Variants in PMS2 observed in about 807,000 individuals in gnomAD.
The protein encoded by PMS2 is PMS1 homolog 2, mismatch repair system component, also known as mismatch repair endonuclease PMS2.
Under a neutral mutation model 90.0 loss-of-function variants are expected in PMS2, and 69 were observed. That is an observed-to-expected ratio of 0.77 (90% CI 0.63 to 0.94). The LOEUF (loss-of-function observed/expected upper bound fraction) is 0.94. Among genes scored for constraint, PMS2 ranks in the 40% least tolerant of loss-of-function variants. The probability of loss-of-function intolerance (pLI) is 0.00; values close to 1 mark genes in which losing one functional copy is unlikely to be tolerated. For missense variants in PMS2, 966 were observed against 1,040.2 expected, an observed-to-expected ratio of 0.93 and a Z score of 0.98; for synonymous variants, 332 against 375.1, an observed-to-expected ratio of 0.89 and a Z score of 1.33.
At chr7:5,996,603 A>ATG in intron 7 of PMS2, among the ~76,000 whole-genome samples, 1 of 129,208 alleles carries the variant, frequency 7.7e-6, no homozygotes, top group Non-Finnish European at 1.6e-5. Context: ...ATATATATAT[A>ATG]TATATATATA....
chr7:5,992,106 G>GC (rs773119766), intron 8 of PMS2, 49 bp from the exon 9 acceptor site: 4 of 958,718 alleles, frequency 4.2e-6, no homozygotes, highest in Non-Finnish European at 1.7e-6. Context: ...AATGTTCCCA[G>GC]CCCCCCGCAT....
chr7:6,003,860 CTA>C, intron 3 of PMS2, 68 bp from the exon 4 acceptor site: 1 of 1,262,920 alleles, frequency 7.9e-7, no homozygotes, highest in South Asian at 1.2e-5. Context: ...TACATGATAT[CTA>C]GTAACTGGCT....
chr7:6,008,018 C>T (rs568925990), intron 1 of PMS2, among the ~76,000 whole-genome samples: 7 of 152,142 alleles, frequency 4.6e-5, no homozygotes, highest in African/African-American at 1.7e-4. Flanking sequence ...CGCCATCATG[C>T]CCAGTTAATT....
intron 1 of PMS2, among the ~76,000 whole-genome samples, chr7:6,006,603 A>G (rs1785800037): frequency 6.6e-6 from 1 of 152,026 alleles, no homozygotes; most frequent in South Asian, 2.1e-4. Flanking sequence ...CAGTGAGCTG[A>G]GATTGCGGCA....
intron 11 of PMS2, among the ~76,000 whole-genome samples, chr7:5,986,206 G>A (rs1782841722): frequency 1.4e-5 from 2 of 145,852 alleles, no homozygotes. Context: ...CTGGCCAGGC[G>A]CAGATGCCGG....
intron 8 of PMS2, among the ~76,000 whole-genome samples, chr7:5,992,316 AT>A (rs1444607368): frequency 7.1e-6 from 1 of 140,900 alleles, no homozygotes; most frequent in Non-Finnish European, 1.6e-5. Context: ...TACAGGCAGG[AT>A]TTTTTTTTCT....
chr7:5,987,424 T>G lies in PMS2; in HGVS notation c.1341A>C (p.Leu447=). 6.2e-7 allele frequency: 1 copy of G among 1,614,132 alleles called. No homozygotes were observed. Reference sequence around the variant, plus strand: ...AAGACAGCATACCCCTTTTCTGTCCTAGAGGGCTCCTTCTTGGTTCTGGAG... The same window carrying G: ...AAGACAGCATACCCCTTTTCTGTCCGAGAGGGCTCCTTCTTGGTTCTGGAG... ...PKTPEPRRSP[L]GQKRGMLSSS... The change falls in exon 11 of 15, where the codon CTA becomes CTC. Residue 447 remains leucine (L), a synonymous_variant. Transcript: ENST00000265849.
chr7:6,004,695 AC>A (rs1421384405), intron 2 of PMS2, among the ~76,000 whole-genome samples: 1 of 150,640 alleles, frequency 6.6e-6, no homozygotes, highest in Non-Finnish European at 1.5e-5. Context: ...AGCCTGGGCA[AC>A]AAGAGCAAAA....
intron 9 of PMS2, among the ~76,000 whole-genome samples, 189 bp downstream of exon 9, chr7:5,991,784 A>G (rs556507810): frequency 6.6e-6 from 1 of 152,210 alleles, no homozygotes; most frequent in South Asian, 2.1e-4. Flanking sequence ...GGTTGCAGTG[A>G]GCCGAGATCA....
chr7:6,002,780 G>T, intron 4 of PMS2, 144 bp from the exon 5 acceptor site: 1 of 745,308 alleles, frequency 1.3e-6, no homozygotes, highest in Non-Finnish European at 2.5e-6. Flanking sequence ...CTAAATGGTT[G>T]AGGAGTCATC....
rs552640759 is a variant in PMS2 at position 6,000,488 on chromosome 7, T to C, written c.538-1213A>G. On this transcript the variant is annotated intron_variant, in intron 5 of 14. Coordinates refer to ENST00000265849, the MANE Select transcript of PMS2 (RefSeq NM_000535.7). Reference sequence around the variant, plus strand: ...TTCATTATATTAACTTATGAATTTATCTTGAAAATTATTCCAACAGTTATA... The same window carrying C: ...TTCATTATATTAACTTATGAATTTACCTTGAAAATTATTCCAACAGTTATA... Among the ~76,000 whole-genome samples, 65 of 152,194 alleles carry C rather than the reference T, an allele frequency of 4.3e-4. 1 individual carries two copies. Among genetic ancestry groups the C allele is most frequent in the Admixed American group, 1.2e-3 (19 of 15,246 alleles).
intron 11 of PMS2, 68 bp from the exon 12 acceptor site, chr7:5,983,059 C>T: frequency 1.3e-6 from 2 of 1,556,402 alleles, no homozygotes; most frequent in Non-Finnish European, 1.7e-6. Context: ...TTATAGAACA[C>T]TGTAATAAAA....
upstream of PMS2, chr7:6,009,081 C>G (rs752032116): frequency 5.1e-6 from 8 of 1,581,352 alleles, no homozygotes; most frequent in Middle Eastern, 4.2e-4. Flanking sequence ...CCCACAGGCG[C>G]TCCGCCTCCT....
At chr7:5,997,031 A>G (rs1325424738) in intron 7 of PMS2, among the ~76,000 whole-genome samples, 1 of 152,022 alleles carries the variant, frequency 6.6e-6, no homozygotes, top group Non-Finnish European at 1.5e-5. Context: ...CCTGGCCAAC[A>G]TGGTGAAACC....
chr7:5,985,049 C>T (rs1160355488), intron 11 of PMS2, among the ~76,000 whole-genome samples: 2 of 151,602 alleles, frequency 1.3e-5, no homozygotes, highest in African/African-American at 2.4e-5. Flanking sequence ...AATTCCAGAT[C>T]AGGCAGAGTG....
intron 5 of PMS2, among the ~76,000 whole-genome samples, chr7:6,000,970 G>A (rs577634543): frequency 8.5e-5 from 13 of 152,204 alleles, no homozygotes; most frequent in African/African-American, 1.7e-4. Flanking sequence ...CAGCCTGGGC[G>A]ACAGAGTGAG....
rs587779341 is a variant in PMS2 at position 5,999,269 on chromosome 7, C to T, written c.544G>A (p.Ala182Thr). The T allele has an allele frequency of 2.5e-6, 4 of 1,613,498 alleles. No homozygotes were observed. Among genetic ancestry groups the T allele is most frequent in the South Asian group, 1.1e-5 (1 of 91,078 alleles). Residue 182 changes from alanine (A) to threonine (T), a missense_variant, in exon 6 of 15, where the codon GCC (alanine) becomes ACC (threonine). This residue lies in a region of PMS2 where 871 missense variants were observed against 802.4 expected (regional missense o/e 1.09). Transcript: ENST00000265849. The stretch of plus-strand genomic sequence containing the variant: ...GCATGTAAGACCTGGACCATTTTGG[C>T]ATACTCCTGTTTAAAAAACACAAAC... ...EFQRNIKKEY[A>T]KMVQVLHAYC...
At chr7:5,999,045 C>A (rs1562676960) in intron 6 of PMS2, 63 bp downstream of exon 6, 2 of 1,468,434 alleles carry the variant, frequency 1.4e-6, no homozygotes, top group Admixed American at 3.4e-5. Flanking sequence ...CTGGAAGGGA[C>A]AATGGAAACC....
chr7:6,003,670 G>A lies in PMS2; in HGVS notation c.353+20C>T, dbSNP rs1440302333. On this transcript the variant is annotated intron_variant, in intron 4 of 14. Transcript: ENST00000265849. ...GGTTTCTCTAAGGGGTCAAGTGAGTGGATAAAAATATTGTATCACCTCAGT... is the reference window on the plus strand; with the variant it reads ...GGTTTCTCTAAGGGGTCAAGTGAGTAGATAAAAATATTGTATCACCTCAGT... 4 of 1,329,856 alleles carry A rather than the reference G, an allele frequency of 3.0e-6. No homozygotes were observed. The highest frequency in any genetic ancestry group is 4.3e-6 in the Non-Finnish European group (4 of 935,914). 82.4% of individuals were successfully genotyped at this position (1,329,856 alleles called of 1,614,324 possible).
Sources: allele counts gnomAD v4.1 joint callset (sites outside exome capture counted in the v4.1 genomes callset), GRCh38; gene constraint gnomAD v4.1.1; regional missense constraint gnomAD v4.1.1; transcripts MANE v1.5; gene names NCBI Gene and HGNC (gene_info 2026-07-23, HGNC 2026-07-21).